WDR36: variants seen among roughly 807,000 people sequenced by gnomAD.
WDR36 encodes WD repeat-containing protein 36.
WDR36 carries 63 observed loss-of-function variants against 112.7 expected under a neutral mutation model. The observed-to-expected ratio is 0.56, with a 90% CI of 0.46 to 0.69. The LOEUF (loss-of-function observed/expected upper bound fraction) is 0.69. Ranked by LOEUF, WDR36 falls within the 30% of genes least tolerant of loss-of-function variation. The probability of loss-of-function intolerance (pLI) is 0.00; values close to 1 mark genes in which losing one functional copy is unlikely to be tolerated. For missense variants in WDR36, 1,226 were observed against 1,070.3 expected (o/e 1.15, Z -2.03); for synonymous variants, 410 against 362.2 (o/e 1.13, Z -1.50).
chr5:111,116,731 A>G (rs1447376515), intron 16 of WDR36, among the ~76,000 whole-genome samples: 1 of 152,132 alleles, frequency 6.6e-6, no homozygotes, highest in Non-Finnish European at 1.5e-5. Context: ...TGTGGAAACC[A>G]CCTTCCTCAA....
intron 9 of WDR36, 23 bp from the exon 10 acceptor site, chr5:111,105,272 G>C: frequency 6.2e-7 from 1 of 1,605,840 alleles, no homozygotes; most frequent in Non-Finnish European, 8.5e-7. Context: ...GCTTGATTAG[G>C]GATTTTCTGT....
rs375645452 is a variant in WDR36 at position 111,104,300 on chromosome 5, T to G, written c.854T>G (p.Phe285Cys). The G allele has an allele frequency of 1.9e-6, 3 of 1,612,128 alleles. No homozygotes were observed. The highest frequency in any genetic ancestry group is 2.5e-6 in the Non-Finnish European group (3 of 1,178,578). Reference sequence around the variant, plus strand: ...TCTACAGCAATTGCCGGACTGACATTTCTCCATAGAGAGCCACTTCTTGTC... The same window carrying G: ...TCTACAGCAATTGCCGGACTGACATGTCTCCATAGAGAGCCACTTCTTGTC... ...AHSTAIAGLT[F>C]LHREPLLVTN... Residue 285 changes from phenylalanine to cysteine, a missense_variant, in exon 8 of 23, where the codon TTT (phenylalanine) becomes TGT (cysteine). Physicochemically the swap from Phe to Cys is radical, Grantham distance 205. Transcript: ENST00000513710.
At chr5:111,099,051 GCTTACC>G (rs1466254446) in intron 4 of WDR36, among the ~76,000 whole-genome samples, 2 of 152,164 alleles carry the variant, frequency 1.3e-5, no homozygotes, top group African/African-American at 4.8e-5. Flanking sequence ...TGTTTAATGT[GCTTACC>G]TCAACTAATG....
In WDR36 at chr5:111,110,809, G is replaced by T; in HGVS notation, c.1463G>T (p.Gly488Val). The change falls in exon 14 of 23, where the codon GGT becomes GTT. Residue 488 changes from glycine (G) to valine (V), a missense_variant. Gly to Val is a moderately radical substitution (Grantham distance 109). Transcript: ENST00000513710. The stretch of plus-strand genomic sequence containing the variant: ...ACAGCTCACAAGGGATCTGTTAGAG[G>T]TGTCGCAGTGGATGGATTAAACCAG... The part of the protein sequence containing the change: ...KDQAHKGSVR[G>V]VAVDGLNQLT... 1 of 1,611,122 alleles carries T rather than the reference G, an allele frequency of 6.2e-7. No homozygotes were observed. Among genetic ancestry groups the T allele is most frequent in the Non-Finnish European group, 8.5e-7 (1 of 1,178,116 alleles).
intron 4 of WDR36, among the ~76,000 whole-genome samples, chr5:111,099,056 C>A (rs2112566570): frequency 6.6e-6 from 1 of 152,296 alleles, no homozygotes; most frequent in East Asian, 1.9e-4. Flanking sequence ...AATGTGCTTA[C>A]CTCAACTAAT....
chr5:111,098,921 C>T lies in WDR36; in HGVS notation c.409+82C>T. ...TTTAAAATCTATGTAAACATCTATG[C>T]CAGAGATTTTGCCTGTAAATAGTAA... On this transcript the variant is annotated intron_variant, in intron 4 of 22. Transcript: ENST00000513710. The T allele has an allele frequency of 2.9e-6, 3 of 1,026,502 alleles. No individual in the cohort carries two copies. In the South Asian group the frequency reaches 4.1e-5, roughly 14 times the overall value. The allele number at this position is 1,026,502 out of a possible 1,614,324, so 63.6% of individuals were successfully genotyped here. A position where few individuals can be genotyped will look rare whatever the true frequency, so the allele number is the denominator to read the frequency against.
intron 12 of WDR36, among the ~76,000 whole-genome samples, chr5:111,107,699 A>G (rs1753247613): frequency 1.3e-5 from 2 of 151,278 alleles, no homozygotes; most frequent in African/African-American, 4.8e-5. Context: ...ATTTTTTTAC[A>G]TGTGGATATC....
intron 16 of WDR36, among the ~76,000 whole-genome samples, chr5:111,115,025 A>G (rs578147814): frequency 6.3e-4 from 90 of 143,098 alleles, no homozygotes; most frequent in African/African-American, 2.5e-3. Context: ...AATTTCTTAT[A>G]TCAGTAAGAA....
chr5:111,118,906 C>A lies in WDR36; in HGVS notation c.1797-107C>A. ...ATGCTGGTGATTAAAAAAAAGAAAA[C>A]ATTTTCTGCATCTCTTATCCCTTAT... On this transcript the variant is annotated intron_variant, in intron 16 of 22. Coordinates refer to ENST00000513710, the MANE Select transcript of WDR36 (RefSeq NM_139281.3). 8.2e-6 allele frequency: 7 copies of A among 857,928 alleles called. No individual in the cohort carries two copies. The South Asian group carries it at 9.7e-5, about 12-fold the overall frequency. The allele number at this position is 857,928 out of a possible 1,614,324, so 53.1% of individuals were successfully genotyped here. A position where few individuals can be genotyped will look rare whatever the true frequency, so the allele number is the denominator to read the frequency against.
chr5:111,107,650 T>C (rs1753246709), intron 12 of WDR36, among the ~76,000 whole-genome samples: 1 of 151,450 alleles, frequency 6.6e-6, no homozygotes, highest in South Asian at 2.1e-4. Context: ...TCTCTCTGAA[T>C]TGACTTTTGT....
In WDR36 at chr5:111,121,073, C is replaced by T; in HGVS notation, c.2080C>T (p.Gln694Ter). ...EYDSPEQLNE[Q>*]LVTLSLLPES... Reference sequence around the variant, plus strand: ...TGATTCGCCAGAACAGTTGAATGAGCAATTGGTGACTCTTTCACTTCTTCC... The same window carrying T: ...TGATTCGCCAGAACAGTTGAATGAGTAATTGGTGACTCTTTCACTTCTTCC... The change falls in exon 19 of 23, where the codon CAA becomes TAA. Residue 694 changes from glutamine (Q) to a stop codon, truncating the protein, a stop_gained. Coordinates refer to ENST00000513710, the MANE Select transcript of WDR36 (RefSeq NM_139281.3). LOFTEE classifies it high-confidence loss of function. The T allele has an allele frequency of 1.9e-6, 3 of 1,613,268 alleles. No homozygotes were observed. Among genetic ancestry groups the T allele is most frequent in the Non-Finnish European group, 2.5e-6 (3 of 1,179,390 alleles).
chr5:111,111,249 T>G lies in WDR36; in HGVS notation c.1687T>G (p.Ser563Ala), dbSNP rs1343133854. 8 of 1,611,660 alleles carry G rather than the reference T, an allele frequency of 5.0e-6. No individual in the cohort carries two copies. In the East Asian group the frequency reaches 1.8e-4, roughly 36 times the overall value. The change falls in exon 15 of 23, where the codon TCT becomes GCT. Residue 563 changes from serine (S) to alanine (A), a missense_variant. Coordinates refer to ENST00000513710, the MANE Select transcript of WDR36 (RefSeq NM_139281.3). ...AACTAGGAAGATTGTCAGAGAGTTT[T>G]CTGGACACCAAGGCCAAATAAATGA... ...IETRKIVREF[S>A]GHQGQINDMA...
chr5:111,097,989 T>C (rs1233751953), intron 3 of WDR36, among the ~76,000 whole-genome samples: 6 of 152,230 alleles, frequency 3.9e-5, no homozygotes, highest in Non-Finnish European at 8.8e-5. Flanking sequence ...CAGGGAGATA[T>C]ATGTGATTTA....
In WDR36 at chr5:111,125,707, T is replaced by C. The variant is rs755808464; in HGVS notation, c.2450T>C (p.Met817Thr). 6 of 1,613,950 alleles carry C rather than the reference T, an allele frequency of 3.7e-6. No homozygotes were observed. Among genetic ancestry groups the C allele is most frequent in the Non-Finnish European group, 5.1e-6 (6 of 1,179,878 alleles). ...GATTGTGGTGGGTCCATAGAAGTTA[T>C]GCAGAGCTTCTTGAAAATGATTGGG... is the stretch of plus-strand genomic sequence containing the variant. The part of the protein sequence containing the change: ...SPDCGGSIEV[M>T]QSFLKMIGMM... The change falls in exon 22 of 23, where the codon ATG becomes ACG. Residue 817 changes from methionine to threonine, a missense_variant. Coordinates refer to ENST00000513710, the MANE Select transcript of WDR36 (RefSeq NM_139281.3).
chr5:111,093,354 A>G lies in WDR36; in HGVS notation c.162+736A>G, dbSNP rs112295102. Among the ~76,000 whole-genome samples the G allele has an allele frequency of 4.8e-3, 730 of 152,360 alleles. 6 individuals are homozygous for G. The highest frequency in any genetic ancestry group is 0.016 in the African/African-American group (681 of 41,582). On this transcript the variant is annotated intron_variant, in intron 1 of 22. Coordinates refer to ENST00000513710, the MANE Select transcript of WDR36 (RefSeq NM_139281.3). ...AACAGAAACCTTGATGAGGAGGATG[A>G]TAATAGTCAGTGTTAATTAAGTACT...
chr5:111,110,756 A>ATTTTTTTTTTT (rs34323614), intron 13 of WDR36, 32 bp from the exon 14 acceptor site: 1 of 1,518,066 alleles, frequency 6.6e-7, no homozygotes, highest in South Asian at 1.2e-5. Flanking sequence ...GCCAATTCTG[A>ATTTTTTTTTTT]TTTTTTTTTT....
At chr5:111,113,226 G>C in intron 16 of WDR36, 73 bp downstream of exon 16, 1 of 862,068 alleles carries the variant, frequency 1.2e-6, no homozygotes, top group Middle Eastern at 2.4e-4. Context: ...GACTTTTACC[G>C]ATAGTTAATG....
intron 5 of WDR36, 109 bp downstream of exon 5, chr5:111,100,830 G>T: frequency 2.6e-6 from 3 of 1,172,398 alleles, no homozygotes; most frequent in Non-Finnish European, 3.6e-6. Flanking sequence ...TTTATTTGGA[G>T]GGTTGTCTAT....
chr5:111,093,360 G>C (rs1370889714), intron 1 of WDR36, among the ~76,000 whole-genome samples: 1 of 152,216 alleles, frequency 6.6e-6, no homozygotes, highest in Non-Finnish European at 1.5e-5. Flanking sequence ...GATGATAATA[G>C]TCAGTGTTAA....
Sources: gnomAD v4.1 joint callset for allele counts (sites outside exome capture counted in the v4.1 genomes callset) on GRCh38, gnomAD v4.1.1 for gene constraint, MANE v1.5 for transcripts, NCBI Gene and HGNC (gene_info 2026-07-23, HGNC 2026-07-21) for gene names.